The following NTM variants were observed in gnomAD, a reference collection of about 807,000 sequenced individuals.
NTM encodes the protein IgLON family member 2.
A neutral mutation model predicts 42.1 loss-of-function variants in NTM; 13 were observed. That is an observed-to-expected ratio of 0.31 (90% confidence interval 0.20 to 0.49). NTM has a LOEUF of 0.49. NTM is among the 20% of genes least tolerant of loss of function. The probability of loss-of-function intolerance (pLI) is 0.99; values close to 1 mark genes in which losing one functional copy is unlikely to be tolerated. For missense variants in NTM, 373 were observed against 452.8 expected (o/e 0.82, Z 1.60); for synonymous variants, 187 against 179.2 (o/e 1.04, Z -0.35).
At chr11:132,191,844 T>C (rs1378388385) in intron 3 of NTM, among the ~76,000 whole-genome samples, 1 of 152,204 alleles carries the variant, frequency 6.6e-6, no homozygotes, top group Non-Finnish European at 1.5e-5. Context: ...TGCTGGAAAT[T>C]AAAAATTTAC....
intron 1 of NTM, among the ~76,000 whole-genome samples, chr11:131,702,930 T>C (rs2076222038): frequency 6.6e-6 from 1 of 152,228 alleles, no homozygotes. Context: ...TGAAACACTC[T>C]TATACAATAT....
At chr11:132,229,622 A>T (rs889682171) in intron 4 of NTM, among the ~76,000 whole-genome samples, 9 of 152,220 alleles carry the variant, frequency 5.9e-5, no homozygotes, top group Admixed American at 2.0e-4. Flanking sequence ...AGAGTTCATA[A>T]TTCCCCAAGG....
At chr11:131,475,065 T>C (rs372582381) in intron 1 of NTM, among the ~76,000 whole-genome samples, 15 of 152,314 alleles carry the variant, frequency 9.8e-5, no homozygotes, top group African/African-American at 3.6e-4. Flanking sequence ...CTCAGAGTGT[T>C]CCTTCTGCCT....
chr11:132,096,421 T>G (rs969894434), intron 2 of NTM, among the ~76,000 whole-genome samples: 1 of 152,150 alleles, frequency 6.6e-6, no homozygotes, highest in Non-Finnish European at 1.5e-5. Flanking sequence ...GTAATTGGGT[T>G]GAAGGGATTT....
At chr11:131,519,176 G>A (rs187732032) in intron 1 of NTM, among the ~76,000 whole-genome samples, 6 of 151,012 alleles carry the variant, frequency 4.0e-5, no homozygotes, top group Admixed American at 4.0e-4. Flanking sequence ...CAAATTGAGA[G>A]CCAGGGGACA....
chr11:131,513,006 T>G (rs1479236724), intron 1 of NTM, among the ~76,000 whole-genome samples: 1 of 152,214 alleles, frequency 6.6e-6, no homozygotes, highest in East Asian at 1.9e-4. Context: ...TCCCAGCCCC[T>G]TCTTCTCCAG....
chr11:132,008,739 G>C (rs1220247921), intron 2 of NTM, among the ~76,000 whole-genome samples: 10 of 151,072 alleles, frequency 6.6e-5, no homozygotes, highest in Non-Finnish European at 8.9e-5. Context: ...CATGGTTTTT[G>C]TTTTTTTTGT....
At chr11:132,187,253 G>A (rs1459743361) in intron 3 of NTM, among the ~76,000 whole-genome samples, 1 of 147,972 alleles carries the variant, frequency 6.8e-6, no homozygotes, top group Non-Finnish European at 1.5e-5. Flanking sequence ...GTGTGCGTGT[G>A]CGTGTTTTAA....
chr11:131,411,967 G>T (rs901813312), intron 1 of NTM, among the ~76,000 whole-genome samples: 1 of 152,088 alleles, frequency 6.6e-6, no homozygotes, highest in African/African-American at 2.4e-5. Flanking sequence ...AACATAGCTG[G>T]GCCCCTCTGT....
At chr11:131,451,970 C>G (rs1204979862) in intron 1 of NTM, among the ~76,000 whole-genome samples, 1 of 152,158 alleles carries the variant, frequency 6.6e-6, no homozygotes, top group Non-Finnish European at 1.5e-5. Context: ...GCCGGCAAAG[C>G]CTGAGACACC....
intron 2 of NTM, among the ~76,000 whole-genome samples, chr11:132,083,407 G>A (rs1045456830): frequency 2.0e-5 from 3 of 152,158 alleles, no homozygotes; most frequent in Non-Finnish European, 4.4e-5. Flanking sequence ...TTTTTACATA[G>A]GCTTTTAAAA....
At chr11:132,134,098 C>A (rs1489440063) in intron 2 of NTM, among the ~76,000 whole-genome samples, 1 of 151,820 alleles carries the variant, frequency 6.6e-6, no homozygotes, top group African/African-American at 2.4e-5. Context: ...CATTTTTTTT[C>A]TTTTTTTGTA....
intron 1 of NTM, among the ~76,000 whole-genome samples, chr11:131,856,646 T>C (rs1186392786): frequency 1.3e-5 from 2 of 152,218 alleles, no homozygotes; most frequent in African/African-American, 4.8e-5. Context: ...AAGCTTCCCA[T>C]ACTAGTTTAT....
intron 2 of NTM, among the ~76,000 whole-genome samples, chr11:131,951,215 C>G (rs576713350): frequency 6.6e-5 from 10 of 152,250 alleles, no homozygotes; most frequent in African/African-American, 1.9e-4. Flanking sequence ...TGATGAGGCT[C>G]TTAGTGTAAC....
chr11:132,158,799 G>C (rs1357659052), intron 3 of NTM, among the ~76,000 whole-genome samples: 1 of 152,164 alleles, frequency 6.6e-6, no homozygotes, highest in Non-Finnish European at 1.5e-5. Flanking sequence ...GCTGAGTTTT[G>C]CAGTGTGCAT....
intron 1 of NTM, among the ~76,000 whole-genome samples, chr11:131,745,336 C>T (rs2081684590): frequency 6.6e-6 from 1 of 152,190 alleles, no homozygotes; most frequent in South Asian, 2.1e-4. Flanking sequence ...CTCTCAGTCT[C>T]CTCATCTTTT....
rs78694555 is a variant in NTM, at chr11:131,987,829, A to T, written c.167+76181A>T. On this transcript the variant is annotated intron_variant, in intron 2 of 8. Transcript: ENST00000683400. The stretch of plus-strand genomic sequence containing the variant: ...TCAGCCACTCAGTCAAAGATTAGCA[A>T]TCATTTGCTTAGGAAGTAAATATTG... Among the ~76,000 whole-genome samples, 205 of 152,352 alleles carry T rather than the reference A, an allele frequency of 1.3e-3. 3 individuals are homozygous for T. The East Asian group carries it at 0.036, about 26-fold the overall frequency.
intron 1 of NTM, among the ~76,000 whole-genome samples, chr11:131,404,333 C>T (rs1167068429): frequency 2.0e-5 from 3 of 152,160 alleles, no homozygotes; most frequent in Non-Finnish European, 4.4e-5. Context: ...CATAGATGAC[C>T]CTTTCTGTCT....
intron 2 of NTM, among the ~76,000 whole-genome samples, chr11:132,073,912 C>T (rs1422827174): frequency 6.6e-6 from 1 of 152,114 alleles, no homozygotes; most frequent in Non-Finnish European, 1.5e-5. Context: ...CCATCAGTTC[C>T]CAGAATGCAG....
Sources: gnomAD v4.1 joint callset for allele counts (sites outside exome capture counted in the v4.1 genomes callset) on GRCh38, gnomAD v4.1.1 for gene constraint, MANE v1.5 for transcripts, NCBI Gene and HGNC (gene_info 2026-07-23, HGNC 2026-07-21) for gene names.